MACROD2: variants seen among roughly 807,000 people sequenced by gnomAD.
The protein encoded by MACROD2 is mono-ADP ribosylhydrolase 2, also known as ADP-ribose glycohydrolase MACROD2.
Under a neutral mutation model 70.4 loss-of-function variants are expected in MACROD2, and 36 were observed. The ratio of observed to expected loss-of-function variants is 0.51; its 90% CI spans 0.39 to 0.68. The LOEUF is 0.68. Among genes scored for constraint, MACROD2 ranks in the 30% least tolerant of loss-of-function variants. The probability of loss-of-function intolerance (pLI) is 0.00; values close to 1 mark genes in which losing one functional copy is unlikely to be tolerated. For missense variants in MACROD2, 496 were observed against 538.4 expected, an observed-to-expected ratio of 0.92 and a Z score of 0.78; for synonymous variants, 172 against 178.8, an observed-to-expected ratio of 0.96 and a Z score of 0.30.
intron 5 of MACROD2, among the ~76,000 whole-genome samples, chr20:15,032,550 G>T (rs1210441229): frequency 6.6e-6 from 1 of 152,144 alleles, no homozygotes; most frequent in African/African-American, 2.4e-5. Flanking sequence ...GAACTATCCA[G>T]GACACTCAGA....
chr20:14,687,146 T>C (rs1398389368), intron 5 of MACROD2, among the ~76,000 whole-genome samples: 2 of 152,212 alleles, frequency 1.3e-5, no homozygotes, highest in Non-Finnish European at 2.9e-5. Context: ...GCTACAATAA[T>C]AGCAAGATTA....
At chr20:14,811,882 C>T (rs1427578276) in intron 5 of MACROD2, among the ~76,000 whole-genome samples, 1 of 152,028 alleles carries the variant, frequency 6.6e-6, no homozygotes, top group African/African-American at 2.4e-5. Flanking sequence ...AATGAGATAC[C>T]ATCTTGCGCC....
intron 3 of MACROD2, among the ~76,000 whole-genome samples, chr20:14,482,652 T>G (rs1222766155): frequency 6.6e-6 from 1 of 151,808 alleles, no homozygotes; most frequent in African/African-American, 2.4e-5. Context: ...TGTGTGTAGA[T>G]TGGAAAAAGA....
At chr20:14,588,358 G>A (rs1421704286) in intron 4 of MACROD2, among the ~76,000 whole-genome samples, 13 of 152,098 alleles carry the variant, frequency 8.5e-5, no homozygotes, top group African/African-American at 3.1e-4. Context: ...TTGTTCTAAT[G>A]ACATCTGGTT....
chr20:14,376,627 A>G (rs2083373690), intron 3 of MACROD2, among the ~76,000 whole-genome samples: 1 of 151,984 alleles, frequency 6.6e-6, no homozygotes, highest in African/African-American at 2.4e-5. Flanking sequence ...GCATGTGCCT[A>G]TAGTCCCAGC....
chr20:14,314,678 T>G (rs547672134), intron 3 of MACROD2, among the ~76,000 whole-genome samples: 1 of 152,248 alleles, frequency 6.6e-6, no homozygotes, highest in South Asian at 2.1e-4. Flanking sequence ...GAGAATTGCT[T>G]GAACCTGGGA....
intron 3 of MACROD2, among the ~76,000 whole-genome samples, chr20:14,486,151 CA>C (rs2084727360): frequency 6.6e-6 from 1 of 152,078 alleles, no homozygotes; most frequent in African/African-American, 2.4e-5. Context: ...CAGGGGCCAC[CA>C]ACAGCACAGC....
At chr20:14,296,664 C>T (rs969103860) in intron 3 of MACROD2, among the ~76,000 whole-genome samples, 21 of 151,790 alleles carry the variant, frequency 1.4e-4, no homozygotes, top group Admixed American at 3.9e-4. Flanking sequence ...AAATAATTAC[C>T]GTAAAAATGG....
Position 16,023,257 on chromosome 20 carries a change from C to T in MACROD2, c.1154-17944C>T, listed in dbSNP as rs768212454. Reference sequence around the variant, plus strand: ...TTGGGAGGCTGAGGCAGGCAGATTACGAGGTCAGGAGATCGAGACTGTCCT... The same window carrying T: ...TTGGGAGGCTGAGGCAGGCAGATTATGAGGTCAGGAGATCGAGACTGTCCT... On this transcript the variant is annotated intron_variant, in intron 15 of 17. Coordinates refer to ENST00000684519, the MANE Select transcript of MACROD2 (RefSeq NM_001351661.2). 3.3e-5 allele frequency among the ~76,000 whole-genome samples: 5 copies of T among 151,936 alleles called. No homozygotes were observed. The South Asian group carries it at 8.3e-4, about 25-fold the overall frequency.
chr20:15,653,728 T>G (rs1446090514), intron 8 of MACROD2, among the ~76,000 whole-genome samples: 1 of 152,118 alleles, frequency 6.6e-6, no homozygotes, highest in African/African-American at 2.4e-5. Flanking sequence ...CACTTACCAG[T>G]GCACTGGGTT....
chr20:15,995,621 A>AC (rs1338964194), intron 15 of MACROD2, among the ~76,000 whole-genome samples: 4 of 131,104 alleles, frequency 3.1e-5, no homozygotes, highest in African/African-American at 1.2e-4. Flanking sequence ...AAGTGCTGGG[A>AC]TTACAGGCAT....
intron 8 of MACROD2, among the ~76,000 whole-genome samples, chr20:15,533,031 T>A (rs997471007): frequency 1.3e-5 from 2 of 152,198 alleles, no homozygotes; most frequent in African/African-American, 4.8e-5. Flanking sequence ...ACTGCACCAT[T>A]TCTATGTCTT....
At chr20:15,473,040 A>G (rs745427576) in intron 7 of MACROD2, among the ~76,000 whole-genome samples, 2 of 152,188 alleles carry the variant, frequency 1.3e-5, no homozygotes, top group African/African-American at 4.8e-5. Context: ...CTAATAGAAA[A>G]CAATAGCAAG....
At chr20:15,069,334 T>C (rs754050338) in intron 5 of MACROD2, among the ~76,000 whole-genome samples, 24 of 152,146 alleles carry the variant, frequency 1.6e-4, no homozygotes, top group Non-Finnish European at 3.2e-4. Context: ...AACTTGACCC[T>C]GTGGTAGAAA....
At chr20:15,629,521 C>A (rs1460707762) in intron 8 of MACROD2, among the ~76,000 whole-genome samples, 2 of 152,202 alleles carry the variant, frequency 1.3e-5, no homozygotes, top group African/African-American at 4.8e-5. Flanking sequence ...TTCAAATGGA[C>A]CTTACATTCA....
At chr20:15,214,435 C>A (rs1168099182) in intron 5 of MACROD2, among the ~76,000 whole-genome samples, 1 of 152,134 alleles carries the variant, frequency 6.6e-6, no homozygotes, top group African/African-American at 2.4e-5. Flanking sequence ...AGCCTGTAAT[C>A]CCAGCACTTT....
chr20:15,447,474 A>C (rs2046584460), intron 7 of MACROD2, among the ~76,000 whole-genome samples: 1 of 152,184 alleles, frequency 6.6e-6, no homozygotes, highest in South Asian at 2.1e-4. Flanking sequence ...TAGAGCTGCT[A>C]AAAGCAACTA....
chr20:15,030,899 G>A (rs956922579), intron 5 of MACROD2, among the ~76,000 whole-genome samples: 4 of 152,154 alleles, frequency 2.6e-5, no homozygotes, highest in African/African-American at 9.7e-5. Context: ...AACCTCTGAG[G>A]CTGGTAGCGC....
Position 15,732,143 on chromosome 20 carries a change from C to A in MACROD2, c.646-130602C>A, listed in dbSNP as rs145937948. On this transcript the variant is annotated intron_variant, in intron 8 of 17. Coordinates refer to ENST00000684519, the MANE Select transcript of MACROD2 (RefSeq NM_001351661.2). ...CTATTGTCTGTGTTTGCACTCACAC[C>A]AATGGCAATGGCAGCGGAGGGTTGA... Among the ~76,000 whole-genome samples the A allele has an allele frequency of 3.3e-5, 5 of 151,346 alleles. No homozygotes were observed. The East Asian group carries it at 9.7e-4, about 29-fold the overall frequency.
Sources: gnomAD v4.1 joint callset for allele counts (sites outside exome capture counted in the v4.1 genomes callset) on GRCh38, gnomAD v4.1.1 for gene constraint, MANE v1.5 for transcripts, NCBI Gene and HGNC (gene_info 2026-07-23, HGNC 2026-07-21) for gene names.